The following DIS3L2 variants were observed in gnomAD, a reference collection of about 807,000 sequenced individuals.
DIS3L2 encodes the protein DIS3 like 3'-5' exoribonuclease 2, also known as DIS3-like exonuclease 2.
DIS3L2 carries 34 observed loss-of-function variants against 97.5 expected under a neutral mutation model. That is an observed-to-expected ratio of 0.35 (90% CI 0.27 to 0.46). The LOEUF is 0.46. DIS3L2 is among the 20% of genes least tolerant of loss of function. The pLI is 1.00. For missense variants in DIS3L2, 1,038 were observed against 1,146.0 expected, an observed-to-expected ratio of 0.91 and a Z score of 1.36; for synonymous variants, 435 against 445.2, an observed-to-expected ratio of 0.98 and a Z score of 0.29.
chr2:232,062,652 C>T (rs898590527), intron 5 of DIS3L2, among the ~76,000 whole-genome samples: 2 of 152,062 alleles, frequency 1.3e-5, no homozygotes, highest in African/African-American at 4.8e-5. Context: ...TCGAATCAGC[C>T]ATTTTTTCTA....
chr2:232,117,894 A>G (rs573539289), intron 6 of DIS3L2, among the ~76,000 whole-genome samples: 2 of 152,336 alleles, frequency 1.3e-5, no homozygotes, highest in South Asian at 4.1e-4. Flanking sequence ...AGTGGCTTCA[A>G]CCAACACATT....
intron 5 of DIS3L2, among the ~76,000 whole-genome samples, chr2:232,074,137 A>G (rs1298686485): frequency 6.6e-6 from 1 of 152,228 alleles, no homozygotes; most frequent in South Asian, 2.1e-4. Context: ...ATTATTTTAG[A>G]AAAATGAATT....
At chr2:232,181,414 C>G (rs1169084559) in intron 9 of DIS3L2, among the ~76,000 whole-genome samples, 5 of 152,176 alleles carry the variant, frequency 3.3e-5, no homozygotes, top group Non-Finnish European at 7.3e-5. Context: ...TGTTTTCCAA[C>G]TTGGTTCCAT....
intron 6 of DIS3L2, among the ~76,000 whole-genome samples, chr2:232,130,331 G>T (rs888680897): frequency 1.3e-5 from 2 of 152,144 alleles, no homozygotes; most frequent in East Asian, 3.9e-4. Flanking sequence ...CGACACACAG[G>T]CTATTTAGTT....
At chr2:232,217,936 T>C (rs1307815835) in intron 10 of DIS3L2, among the ~76,000 whole-genome samples, 1 of 152,208 alleles carries the variant, frequency 6.6e-6, no homozygotes, top group African/African-American at 2.4e-5. Flanking sequence ...ACAGACTGAA[T>C]GGAGAAACCC....
intron 10 of DIS3L2, among the ~76,000 whole-genome samples, chr2:232,217,634 T>C (rs1692376921): frequency 6.6e-6 from 1 of 152,142 alleles, no homozygotes; most frequent in African/African-American, 2.4e-5. Flanking sequence ...TTTGCTAGAG[T>C]GGCTCACGGA....
intron 11 of DIS3L2, among the ~76,000 whole-genome samples, chr2:232,242,246 C>T (rs1171609507): frequency 6.6e-6 from 1 of 152,166 alleles, no homozygotes; most frequent in Non-Finnish European, 1.5e-5. Flanking sequence ...GCTGAGTGTA[C>T]CTTGTTGTTA....
intron 14 of DIS3L2, among the ~76,000 whole-genome samples, chr2:232,320,212 C>T (rs1481371851): frequency 6.6e-6 from 1 of 152,076 alleles, no homozygotes; most frequent in African/African-American, 2.4e-5. Flanking sequence ...ATTGAAACCG[C>T]TCTGAACCTA....
At chr2:232,173,836 T>C (rs1160329107) in intron 9 of DIS3L2, among the ~76,000 whole-genome samples, 1 of 152,250 alleles carries the variant, frequency 6.6e-6, no homozygotes, top group African/African-American at 2.4e-5. Context: ...GTCTAAATTA[T>C]TGTAACTTTG....
intron 6 of DIS3L2, among the ~76,000 whole-genome samples, chr2:232,127,349 C>G (rs920217056): frequency 6.6e-6 from 1 of 152,178 alleles, no homozygotes; most frequent in African/African-American, 2.4e-5. Context: ...CACTATCAAC[C>G]TAATTGCTAG....
intron 13 of DIS3L2, among the ~76,000 whole-genome samples, chr2:232,274,736 C>T (rs891677342): frequency 6.6e-6 from 1 of 152,134 alleles, no homozygotes; most frequent in Non-Finnish European, 1.5e-5. Context: ...AGATTGTTGC[C>T]TTTTTACTTT....
rs1692966728 is a variant in DIS3L2, at chr2:232,237,573, G to T, written c.1205-960G>T. ...GAGACAGATAACAAACACACAAGCCGATAGAGATATGCCGTGATATCTGGT... is the reference window on the plus strand; with the variant it reads ...GAGACAGATAACAAACACACAAGCCTATAGAGATATGCCGTGATATCTGGT... On this transcript the variant is annotated intron_variant, in intron 10 of 20. Transcript: ENST00000325385. 2.0e-5 allele frequency among the ~76,000 whole-genome samples: 3 copies of T among 152,166 alleles called. No individual in the cohort carries two copies. The South Asian group carries it at 6.2e-4, about 32-fold the overall frequency.
rs532388811 is a variant in DIS3L2 at position 232,250,096 on chromosome 2, A to C, written c.1425+750A>C. ...CCCTCCCTGCAAATGTAACAACTCC[A>C]AACATTCAGAAGTAGGGTCGTGATT... is the stretch of plus-strand genomic sequence containing the variant. On this transcript the variant is annotated intron_variant, in intron 12 of 20. Transcript: ENST00000325385. Among the ~76,000 whole-genome samples, 14 of 152,316 alleles carry C rather than the reference A, an allele frequency of 9.2e-5. No homozygotes were observed. The South Asian group carries it at 2.9e-3, about 32-fold the overall frequency.
intron 5 of DIS3L2, among the ~76,000 whole-genome samples, chr2:232,065,418 C>T (rs1695827365): frequency 1.3e-5 from 2 of 151,986 alleles, no homozygotes; most frequent in African/African-American, 4.8e-5. Flanking sequence ...GGCTGAATTT[C>T]ATCTTTCTCC....
chr2:231,984,658 G>T (rs1400687044), intron 1 of DIS3L2, among the ~76,000 whole-genome samples: 1 of 152,066 alleles, frequency 6.6e-6, no homozygotes, highest in Admixed American at 6.6e-5. Context: ...TTCCCAAAGT[G>T]CTGGGATTAC....
intron 12 of DIS3L2, among the ~76,000 whole-genome samples, 167 bp downstream of exon 12, chr2:232,249,513 G>A (rs1046879477): frequency 6.6e-6 from 1 of 152,330 alleles, no homozygotes; most frequent in Admixed American, 6.5e-5. Flanking sequence ...CGGAAGAGCC[G>A]TTGGCCCCAC....
chr2:231,995,956 T>C (rs1693719266), intron 1 of DIS3L2, among the ~76,000 whole-genome samples: 1 of 152,210 alleles, frequency 6.6e-6, no homozygotes, highest in East Asian at 1.9e-4. Flanking sequence ...GTTCTTCCTG[T>C]CTCTCAGGAG....
chr2:232,258,086 TCTTA>T (rs1341983045), intron 12 of DIS3L2, among the ~76,000 whole-genome samples: 3 of 152,196 alleles, frequency 2.0e-5, no homozygotes, highest in East Asian at 1.9e-4. Flanking sequence ...CTACTTCCGG[TCTTA>T]CTTAGTACAG....
intron 14 of DIS3L2, among the ~76,000 whole-genome samples, chr2:232,323,800 C>T (rs1695501954): frequency 6.6e-6 from 1 of 152,142 alleles, no homozygotes; most frequent in Non-Finnish European, 1.5e-5. Flanking sequence ...GGGTGCATGG[C>T]CAGCTGTGGG....
Sources: allele counts gnomAD v4.1 joint callset (sites outside exome capture counted in the v4.1 genomes callset), GRCh38; gene constraint gnomAD v4.1.1; transcripts MANE v1.5; gene names NCBI Gene and HGNC (gene_info 2026-07-23, HGNC 2026-07-21).